The following MEI1 variants were observed in gnomAD, a reference collection of about 807,000 sequenced individuals.
MEI1 encodes meiotic double-stranded break formation protein 1, also known as meiosis inhibitor protein 1.
In MEI1, 103 loss-of-function variants were observed where a neutral mutation model predicts 146.2. The ratio of observed to expected loss-of-function variants is 0.70; its 90% CI spans 0.60 to 0.83. MEI1 has a LOEUF of 0.83. MEI1 is among the 40% of genes least tolerant of loss of function. The pLI is 0.00. For missense variants in MEI1, 1,529 were observed against 1,533.0 expected (o/e 1.00, Z 0.04); for synonymous variants, 652 against 628.2 (o/e 1.04, Z -0.57).
Position 41,743,143 on chromosome 22 carries a change from G to A in MEI1, c.1395G>A (p.Met465Ile). ...AACTGCAGGCTTTGCTAGAAGCCATGCTAAACCGATGTGCGGAGTTTTCCC... is the reference window on the plus strand; with the variant it reads ...AACTGCAGGCTTTGCTAGAAGCCATACTAAACCGATGTGCGGAGTTTTCCC... ...YGELQALLEA[M>I]LNRCAEFSQT... Residue 465 changes from methionine to isoleucine, a missense_variant, in exon 12 of 31, where the codon ATG (methionine) becomes ATA (isoleucine). This residue lies in a region of MEI1 where 1,212 missense variants were observed against 1,178.9 expected (regional missense o/e 1.03). Coordinates refer to ENST00000401548, the MANE Select transcript of MEI1 (RefSeq NM_152513.4). 1 of 1,613,332 alleles carries A rather than the reference G, an allele frequency of 6.2e-7. No homozygotes were observed. Among genetic ancestry groups the A allele is most frequent in the South Asian group, 1.1e-5 (1 of 91,020 alleles).
chr22:41,783,719 C>T (rs1236651696), intron 24 of MEI1, among the ~76,000 whole-genome samples: 2 of 151,620 alleles, frequency 1.3e-5, no homozygotes, highest in Non-Finnish European at 2.9e-5. Context: ...TGGAATCTGT[C>T]GTCCAGGCTG....
At chr22:41,735,462 G>A (rs893753286) in intron 11 of MEI1, among the ~76,000 whole-genome samples, 1 of 152,052 alleles carries the variant, frequency 6.6e-6, no homozygotes, top group Non-Finnish European at 1.5e-5. Flanking sequence ...TCGAACTGCC[G>A]ACCTCAGGTG....
chr22:41,721,022 A>G (rs556798180), intron 6 of MEI1, among the ~76,000 whole-genome samples: 4 of 148,400 alleles, frequency 2.7e-5, no homozygotes, highest in Non-Finnish European at 4.5e-5. Flanking sequence ...CTCGTGATCC[A>G]CCCACCTCGG....
At chr22:41,734,610 AC>A (rs1445197503) in intron 11 of MEI1, among the ~76,000 whole-genome samples, 1 of 152,116 alleles carries the variant, frequency 6.6e-6, no homozygotes, top group African/African-American at 2.4e-5. Flanking sequence ...AAACAAACAA[AC>A]AATGGAATGT....
Position 41,732,358 on chromosome 22 carries a change from T to C in MEI1, c.1196+14T>C, listed in dbSNP as rs759833009. 1 of 1,613,364 alleles carries C rather than the reference T, an allele frequency of 6.2e-7. No individual in the cohort carries two copies. The highest frequency in any genetic ancestry group is 1.1e-5 in the South Asian group (1 of 90,982). On this transcript the variant is annotated intron_variant, in intron 10 of 30. Transcript: ENST00000401548. The stretch of plus-strand genomic sequence containing the variant: ...AATCCTGACCCGGTGAGCAAAGTGG[T>C]GGAACATGAGGCTTGTAGGGGCCAG...
At chr22:41,776,682 G>A (rs909505461) in intron 21 of MEI1, among the ~76,000 whole-genome samples, 1 of 152,190 alleles carries the variant, frequency 6.6e-6, no homozygotes, top group Admixed American at 6.5e-5. Context: ...AGATCCGGGG[G>A]ATTAGTTTCC....
Position 41,795,665 on chromosome 22 carries a change from G to A in MEI1, c.3667-70G>A. On this transcript the variant is annotated intron_variant, in intron 29 of 30. Coordinates refer to ENST00000401548, the MANE Select transcript of MEI1 (RefSeq NM_152513.4). The surrounding 1 kb of genome is among the most constrained non-coding windows in gnomAD (Gnocchi z 4.2). ...ATGGGAGGAGGGAAGTACAGAGGAT[G>A]GAGGCAGTTAGGGCCTGTGTGGAAT... 6.3e-7 allele frequency: 1 copy of A among 1,589,274 alleles called. No homozygotes were observed. Among genetic ancestry groups the A allele is most frequent in the Non-Finnish European group, 8.6e-7 (1 of 1,163,886 alleles).
At chr22:41,712,143 G>T (rs1324555611) in intron 3 of MEI1, among the ~76,000 whole-genome samples, 1 of 119,996 alleles carries the variant, frequency 8.3e-6, no homozygotes, top group Non-Finnish European at 1.6e-5. Flanking sequence ...GGCAGAAGTT[G>T]CAGTGAGGCG....
At chr22:41,761,201 C>T (rs1389588767) in intron 18 of MEI1, among the ~76,000 whole-genome samples, 1 of 152,116 alleles carries the variant, frequency 6.6e-6, no homozygotes, top group South Asian at 2.1e-4. Context: ...ATCCCAGCTA[C>T]TGGGGAGGCT....
rs752260697 is a variant in MEI1, at chr22:41,732,529, C to G, written c.1257C>G (p.Ala419=). The G allele has an allele frequency of 1.9e-6, 3 of 1,613,756 alleles. No individual in the cohort carries two copies. In the African/African-American group the frequency reaches 4.0e-5, roughly 22 times the overall value. ...SSAMCRDAGR[A]LQEAVSSPVL... is the part of the protein sequence containing the mutation. ...CCATGTGCAGAGATGCTGGCCGTGCCCTCCAAGAAGCAGTTAGCAGCCCTG... is the reference window on the plus strand; with the variant it reads ...CCATGTGCAGAGATGCTGGCCGTGCGCTCCAAGAAGCAGTTAGCAGCCCTG... The change falls in exon 11 of 31, where the codon GCC becomes GCG. Residue 419 remains alanine, a synonymous_variant. Coordinates refer to ENST00000401548, the MANE Select transcript of MEI1 (RefSeq NM_152513.4).
chr22:41,751,335 G>A (rs2073735974), intron 15 of MEI1, among the ~76,000 whole-genome samples: 1 of 152,222 alleles, frequency 6.6e-6, no homozygotes, highest in Admixed American at 6.5e-5. Flanking sequence ...GGCTGGTGAA[G>A]TGGGAGCTTC....
chr22:41,754,458 C>T (rs1324346517), intron 17 of MEI1, among the ~76,000 whole-genome samples: 1 of 151,894 alleles, frequency 6.6e-6, no homozygotes, highest in African/African-American at 2.4e-5. Flanking sequence ...TATTTTAAGA[C>T]AGTCTCGCTC....
chr22:41,778,841 AG>A, intron 22 of MEI1, 29 bp downstream of exon 22: 1 of 1,532,658 alleles, frequency 6.5e-7, no homozygotes, highest in Non-Finnish European at 8.9e-7. Flanking sequence ...ATAGCGCCCA[AG>A]GGCCCAGGGC....
intron 3 of MEI1, chr22:41,709,185 C>T (rs1378145351): frequency 7.5e-6 from 6 of 799,986 alleles, no homozygotes; most frequent in African/African-American, 1.7e-5. Context: ...TGTACAGTCA[C>T]CAGAAGTACA....
chr22:41,711,207 CTG>C (rs1363011875), intron 3 of MEI1, among the ~76,000 whole-genome samples: 1 of 151,938 alleles, frequency 6.6e-6, no homozygotes, highest in African/African-American at 2.4e-5. Flanking sequence ...CAATCTCACT[CTG>C]TTGCCCAGGC....
intron 26 of MEI1, among the ~76,000 whole-genome samples, chr22:41,791,650 C>CAAGT (rs1200731974): frequency 2.6e-5 from 4 of 152,152 alleles, no homozygotes; most frequent in African/African-American, 9.7e-5. Context: ...CAGATAATAG[C>CAAGT]AAGTGTTGAC....
At chr22:41,725,190 C>T (rs891681878) in intron 7 of MEI1, among the ~76,000 whole-genome samples, 1 of 151,856 alleles carries the variant, frequency 6.6e-6, no homozygotes, top group Non-Finnish European at 1.5e-5. Flanking sequence ...TGGCTCACTA[C>T]AACCTCCGCC....
At chr22:41,778,459 A>G (rs571506946) in intron 21 of MEI1, among the ~76,000 whole-genome samples, 1 of 152,224 alleles carries the variant, frequency 6.6e-6, no homozygotes, top group African/African-American at 2.4e-5. Context: ...CATGCTTCAC[A>G]TTTTGTTTAG....
intron 5 of MEI1, among the ~76,000 whole-genome samples, chr22:41,716,352 A>ATTTTTTTT: frequency 1.9e-5 from 2 of 104,980 alleles, no homozygotes; most frequent in Admixed American, 1.3e-4. Context: ...ATTTCCATTC[A>ATTTTTTTT]TTCTTTTTTT....
Sources: gnomAD v4.1 joint callset for allele counts (sites outside exome capture counted in the v4.1 genomes callset) on GRCh38, gnomAD v4.1.1 for gene constraint, gnomAD v4.1.1 regional missense constraint, Gnocchi (gnomAD v3.1) non-coding constraint, MANE v1.5 for transcripts, NCBI Gene and HGNC (gene_info 2026-07-23, HGNC 2026-07-21) for gene names.